The following ACOX3 variants were observed in gnomAD, a reference collection of about 807,000 sequenced individuals.
ACOX3 encodes the protein peroxisomal acyl-coenzyme A oxidase 3.
A neutral mutation model predicts 81.5 loss-of-function variants in ACOX3; 73 were observed. The ratio of observed to expected loss-of-function variants is 0.90; its 90% confidence interval spans 0.74 to 1.09. The LOEUF is 1.09. ACOX3 is among the 50% of genes least tolerant of loss of function. The probability of loss-of-function intolerance (pLI) is 0.00; values close to 1 mark genes in which losing one functional copy is unlikely to be tolerated. For missense variants in ACOX3, 947 were observed against 928.0 expected (o/e 1.02, Z -0.27); for synonymous variants, 387 against 375.1 (o/e 1.03, Z -0.37).
At chr4:8,377,476 G>A (rs76424488) in intron 14 of ACOX3, among the ~76,000 whole-genome samples, 27 of 125,158 alleles carry the variant, frequency 2.2e-4, no homozygotes, top group Admixed American at 1.0e-3. Context: ...GCAGCTCTGC[G>A]CGTGAGCAAA....
At chr4:8,396,262 G>C (rs967285478) in intron 9 of ACOX3, among the ~76,000 whole-genome samples, 5 of 152,214 alleles carry the variant, frequency 3.3e-5, no homozygotes, top group African/African-American at 9.7e-5. Context: ...ATTTCTTAGG[G>C]ATGGGATGAA....
intron 13 of ACOX3, among the ~76,000 whole-genome samples, chr4:8,388,288 A>G (rs955043223): frequency 2.6e-5 from 4 of 152,224 alleles, no homozygotes; most frequent in Non-Finnish European, 5.9e-5. Flanking sequence ...AGGCCTTGGG[A>G]TGTTTCTGTG....
chr4:8,392,744 T>C (rs1719148449), intron 10 of ACOX3, among the ~76,000 whole-genome samples: 1 of 152,232 alleles, frequency 6.6e-6, no homozygotes, highest in African/African-American at 2.4e-5. Flanking sequence ...TGCAGAAGAA[T>C]GTGCGTCATG....
In ACOX3 at chr4:8,440,646, AC is replaced by A. The variant is rs1724571334; in HGVS notation, c.-15+1del. 5.7e-6 allele frequency: 4 copies of A among 701,102 alleles called. No individual in the cohort carries two copies. Among genetic ancestry groups the A allele is most frequent in the Non-Finnish European group, 6.4e-6 (3 of 466,820 alleles). 43.4% of individuals were successfully genotyped at this position (701,102 alleles called of 1,614,324 possible). The stretch of plus-strand genomic sequence containing the variant: ...GAATAAAACACAGGTCAAATTCCTC[AC>A]CCACACACTCCACAGTTCAACCCCT... On this transcript the variant is annotated splice_donor_variant, in intron 1 of 17. Coordinates refer to ENST00000356406, the MANE Select transcript of ACOX3 (RefSeq NM_003501.3). LOFTEE classifies it low-confidence loss of function (5UTR_SPLICE).
chr4:8,374,699 A>C, intron 15 of ACOX3: 1 of 348,806 alleles, frequency 2.9e-6, no homozygotes, highest in Non-Finnish European at 5.2e-6. Flanking sequence ...CTCTCTGCAG[A>C]GCCCGGCAGG....
chr4:8,360,472 CTTT>C, the ACOX3 span, among the ~76,000 whole-genome samples: 15 of 135,516 alleles, frequency 1.1e-4, no homozygotes, highest in East Asian at 2.2e-4. Flanking sequence ...GCTTCTTTGA[CTTT>C]TTTTTTTTTT....
At position 8,416,364 on chromosome 4, in the gene ACOX3, AC is replaced by A; in HGVS notation, c.144+13del. The A allele has an allele frequency of 6.2e-7, 1 of 1,614,106 alleles. No individual in the cohort carries two copies. On this transcript the variant is annotated intron_variant, in intron 2 of 17. Coordinates refer to ENST00000356406, the MANE Select transcript of ACOX3 (RefSeq NM_003501.3). The surrounding 1 kb of genome is among the most constrained non-coding windows in gnomAD (Gnocchi z 4.2). ...TGGGAAAAAAGACAAGCTGCGCACA[AC>A]CGCACGCCTCACCTTAAAGCGGAGC... is the stretch of plus-strand genomic sequence containing the variant.
intron 1 of ACOX3, among the ~76,000 whole-genome samples, chr4:8,422,089 G>A (rs1280647845): frequency 4.6e-5 from 7 of 152,188 alleles, no homozygotes; most frequent in African/African-American, 7.2e-5. Context: ...ACATTCTTCC[G>A]CTGTGTTCCC....
chr4:8,420,442 C>T (rs1722814612), intron 1 of ACOX3, among the ~76,000 whole-genome samples: 1 of 152,162 alleles, frequency 6.6e-6, no homozygotes, highest in Admixed American at 6.5e-5. Flanking sequence ...CCACACCCAC[C>T]TTTAAACATG....
At chr4:8,357,116 G>T in the ACOX3 span, 2 of 456,670 alleles carry the variant, frequency 4.4e-6, no homozygotes, top group Non-Finnish European at 8.8e-6. Flanking sequence ...TGAGCAGAAT[G>T]GTGCATGCTA....
intron 15 of ACOX3, 41 bp downstream of exon 15, chr4:8,374,937 G>A: frequency 6.8e-7 from 1 of 1,462,460 alleles, no homozygotes; most frequent in South Asian, 1.4e-5. Context: ...CGGGGGCCCT[G>A]ACTCTGGGGA....
the ACOX3 span, among the ~76,000 whole-genome samples, chr4:8,358,529 T>G: frequency 6.6e-6 from 1 of 152,216 alleles, no homozygotes; most frequent in Admixed American, 6.5e-5. Flanking sequence ...TGAGACCTAC[T>G]GGGCTGCATT....
At chr4:8,418,691 C>A (rs1020503363) in intron 1 of ACOX3, among the ~76,000 whole-genome samples, 3 of 151,316 alleles carry the variant, frequency 2.0e-5, no homozygotes, top group Non-Finnish European at 4.4e-5. Flanking sequence ...GAAACCCCAT[C>A]GCTACTGAAA....
rs1723211108 is a variant in ACOX3, at chr4:8,423,989, T to C, written c.-14-7454A>G. On this transcript the variant is annotated intron_variant, in intron 1 of 17. Coordinates refer to ENST00000356406, the MANE Select transcript of ACOX3 (RefSeq NM_003501.3). This position sits in a 1 kb window ranked among gnomAD's most constrained non-coding sequence, Gnocchi z 4.2. ...TGCCATCAAGCCACCCAAGTGCTCT[T>C]AAACTTCATGGCCACCTGTGGCTAC... Among the ~76,000 whole-genome samples, 1 of 152,210 alleles carries C rather than the reference T, an allele frequency of 6.6e-6. No homozygotes were observed. Among genetic ancestry groups the C allele is most frequent in the Admixed American group, 6.5e-5 (1 of 15,278 alleles).
At chr4:8,404,577 G>A (rs1440819787) in intron 7 of ACOX3, among the ~76,000 whole-genome samples, 1 of 151,946 alleles carries the variant, frequency 6.6e-6, no homozygotes, top group Non-Finnish European at 1.5e-5. Context: ...TGTTTTAAAG[G>A]GCCAAGCAGA....
intron 5 of ACOX3, among the ~76,000 whole-genome samples, chr4:8,412,190 G>T (rs1290883281): frequency 1.3e-5 from 2 of 152,248 alleles, no homozygotes; most frequent in Non-Finnish European, 2.9e-5. Flanking sequence ...TGGCTTAAAA[G>T]AAAATTCTGA....
At chr4:8,412,095 C>T (rs1721792247) in intron 5 of ACOX3, among the ~76,000 whole-genome samples, 1 of 152,250 alleles carries the variant, frequency 6.6e-6, no homozygotes, top group Non-Finnish European at 1.5e-5. Flanking sequence ...CACCTCCTGG[C>T]ACTGCAGGCC....
intron 10 of ACOX3, chr4:8,392,918 G>A (rs189029098): frequency 6.5e-6 from 1 of 152,962 alleles, no homozygotes; most frequent in African/African-American, 2.4e-5. Context: ...TCCATTCCCA[G>A]AAGGCTGCAA....
At position 8,407,563 on chromosome 4, in the gene ACOX3, G is replaced by A. The variant is rs1022207129; in HGVS notation, c.688-1520C>T. 3.3e-5 allele frequency among the ~76,000 whole-genome samples: 5 copies of A among 152,254 alleles called. No homozygotes were observed. The highest frequency in any genetic ancestry group is 1.2e-4 in the African/African-American group (5 of 41,478). ...TGTTTCGAGCGCCCTGCTTTGTGGT[G>A]CTTTGCTGTGGCAGCCATGAGAGAC... On this transcript the variant is annotated intron_variant, in intron 6 of 17. Coordinates refer to ENST00000356406, the MANE Select transcript of ACOX3 (RefSeq NM_003501.3). The surrounding 1 kb of genome is among the most constrained non-coding windows in gnomAD (Gnocchi z 4.6).
Sources: gnomAD v4.1 joint callset for allele counts (sites outside exome capture counted in the v4.1 genomes callset) on GRCh38, gnomAD v4.1.1 for gene constraint, Gnocchi (gnomAD v3.1) non-coding constraint, MANE v1.5 for transcripts, NCBI Gene and HGNC (gene_info 2026-07-23, HGNC 2026-07-21) for gene names.